Variants in PPP2R2C observed in about 807,000 individuals in gnomAD.
The protein encoded by PPP2R2C is protein phosphatase 2 regulatory subunit Bgamma.
In PPP2R2C, 10 loss-of-function variants were observed where a neutral mutation model predicts 45.3. The ratio of observed to expected loss-of-function variants is 0.22; its 90% CI spans 0.14 to 0.37. The LOEUF is 0.37. Among genes scored for constraint, PPP2R2C ranks in the 10% least tolerant of loss-of-function variants. The probability of loss-of-function intolerance (pLI) is 1.00; values close to 1 mark genes in which losing one functional copy is unlikely to be tolerated. For synonymous variants in PPP2R2C, 257 were observed against 245.4 expected (o/e 1.05, Z -0.44); for missense variants, 308 against 619.7 (o/e 0.50, Z 5.34).
chr4:6,452,700 G>C (rs1720805043), intron 1 of PPP2R2C, among the ~76,000 whole-genome samples: 1 of 152,236 alleles, frequency 6.6e-6, no homozygotes, highest in South Asian at 2.1e-4. Flanking sequence ...TTTTGATGAG[G>C]GGGTCACCTG....
chr4:6,494,349 G>T (rs1722806683), intron 2 of PPP2R2C, among the ~76,000 whole-genome samples: 1 of 152,242 alleles, frequency 6.6e-6, no homozygotes, highest in African/African-American at 2.4e-5. Flanking sequence ...GTGTCCAGGG[G>T]AATCCCTCAC....
At chr4:6,369,818 G>A (rs552647967) in intron 5 of PPP2R2C, among the ~76,000 whole-genome samples, 55 of 152,304 alleles carry the variant, frequency 3.6e-4, no homozygotes, top group Admixed American at 1.4e-3. Flanking sequence ...CTGCCATGGC[G>A]GGGCTGTGTC....
chr4:6,326,479 C>T (rs2109152546), intron 8 of PPP2R2C, among the ~76,000 whole-genome samples: 1 of 152,256 alleles, frequency 6.6e-6, no homozygotes, highest in African/African-American at 2.4e-5. Context: ...GAGGAGGGGG[C>T]GTTGAAGCCT....
At position 6,350,984 on chromosome 4, in the gene PPP2R2C, C is replaced by T. The variant is rs747635002; in HGVS notation, c.626-2974G>A. 19 of 985,228 alleles carry T rather than the reference C, an allele frequency of 1.9e-5. No homozygotes were observed. The Middle Eastern group carries it at 1.5e-3, about 80-fold the overall frequency. The allele number at this position is 985,228 out of a possible 1,614,324, so 61.0% of individuals were successfully genotyped here. A position where few individuals can be genotyped will look rare whatever the true frequency, so the allele number is the denominator to read the frequency against. Reference sequence around the variant, plus strand: ...TCCACCCAAACGCTCTTTCCTTTCCCACCTGGGGATGTTTCAGAACTTTTC... The same window carrying T: ...TCCACCCAAACGCTCTTTCCTTTCCTACCTGGGGATGTTTCAGAACTTTTC... On this transcript the variant is annotated intron_variant, in intron 5 of 8. Coordinates refer to ENST00000382599, the MANE Select transcript of PPP2R2C (RefSeq NM_020416.4).
intron 2 of PPP2R2C, among the ~76,000 whole-genome samples, chr4:6,477,894 T>G (rs769305253): frequency 1.4e-4 from 22 of 151,794 alleles, no homozygotes; most frequent in Admixed American, 1.2e-3. Context: ...CTTCCCCTCC[T>G]TGAGCCAGCC....
intron 1 of PPP2R2C, among the ~76,000 whole-genome samples, chr4:6,452,104 G>A (rs1720767968): frequency 6.6e-6 from 1 of 152,124 alleles, no homozygotes. Context: ...GGTTGGGGAG[G>A]ACAGGGCTGG....
At chr4:6,394,061 C>A (rs1038972729) in intron 1 of PPP2R2C, among the ~76,000 whole-genome samples, 5 of 152,352 alleles carry the variant, frequency 3.3e-5, no homozygotes, top group Middle Eastern at 3.4e-3. Flanking sequence ...GAAAGCCCCA[C>A]CCCCAGTCAC....
In PPP2R2C at chr4:6,372,230, C is replaced by T. The variant is rs532925846; in HGVS notation, c.625+293G>A. Among the ~76,000 whole-genome samples, 7 of 152,376 alleles carry T rather than the reference C, an allele frequency of 4.6e-5. No homozygotes were observed. In the South Asian group the frequency reaches 1.5e-3, roughly 32 times the overall value. ...GTCCAGAGCAGCTGAACCCTGAACTCTGTCTCCTTCCTGGCCCCTTGTGAG... is the reference window on the plus strand; with the variant it reads ...GTCCAGAGCAGCTGAACCCTGAACTTTGTCTCCTTCCTGGCCCCTTGTGAG... On this transcript the variant is annotated intron_variant, in intron 5 of 8. Transcript: ENST00000382599.
Position 6,372,529 on chromosome 4 carries a change from T to G in PPP2R2C, c.619A>C (p.Ser207Arg). The change falls in exon 5 of 9, where the codon AGC becomes CGC. Residue 207 changes from serine (S) to arginine (R), a missense_variant. Ser to Arg is a moderately radical substitution (Grantham distance 110). Transcript: ENST00000382599. ...AGGCCACAGTGAAGGATACTGAAGC[T>G]CCTGTCGGTGATGGCCAGGTGCCAG... Reference protein sequence around the residue: ...NLWHLAITDRSFNIVDIKPAN... With the variant: ...NLWHLAITDRRFNIVDIKPAN... 1 of 1,614,022 alleles carries G rather than the reference T, an allele frequency of 6.2e-7. No homozygotes were observed. Among genetic ancestry groups the G allele is most frequent in the Non-Finnish European group, 8.5e-7 (1 of 1,179,934 alleles).
chr4:6,505,721 T>A (rs2108797555), intron 2 of PPP2R2C, among the ~76,000 whole-genome samples: 1 of 152,296 alleles, frequency 6.6e-6, no homozygotes, highest in East Asian at 1.9e-4. Context: ...ATCCCACCAC[T>A]TTGGGAGGCC....
At chr4:6,511,144 C>G (rs115628142) in intron 2 of PPP2R2C, among the ~76,000 whole-genome samples, 2 of 152,226 alleles carry the variant, frequency 1.3e-5, no homozygotes, top group Admixed American at 1.3e-4. Context: ...TCGCCCATTG[C>G]ATGCGGTTTA....
At chr4:6,503,312 A>T (rs1723119556) in intron 2 of PPP2R2C, among the ~76,000 whole-genome samples, 1 of 152,160 alleles carries the variant, frequency 6.6e-6, no homozygotes, top group African/African-American at 2.4e-5. Context: ...AGATATGCAC[A>T]CATTCACTCA....
At chr4:6,465,593 C>A (rs939455732) in intron 1 of PPP2R2C, among the ~76,000 whole-genome samples, 10 of 152,070 alleles carry the variant, frequency 6.6e-5, no homozygotes, top group Admixed American at 5.2e-4. Flanking sequence ...AGATACAAAA[C>A]CTTTTCATGC....
At chr4:6,396,102 G>A (rs1487197421) in intron 1 of PPP2R2C, among the ~76,000 whole-genome samples, 8 of 152,332 alleles carry the variant, frequency 5.3e-5, no homozygotes, top group Admixed American at 3.9e-4. Flanking sequence ...TGGCAGGTGC[G>A]TGGCATGCTG....
chr4:6,393,654 G>A (rs914905050), intron 1 of PPP2R2C, among the ~76,000 whole-genome samples: 6 of 152,214 alleles, frequency 3.9e-5, no homozygotes, highest in African/African-American at 1.4e-4. Flanking sequence ...CATGGGCAGT[G>A]CACAAGGGAC....
intron 1 of PPP2R2C, chr4:6,382,767 C>T: frequency 1.4e-6 from 1 of 725,402 alleles, no homozygotes; most frequent in Non-Finnish European, 1.9e-6. Flanking sequence ...GGGATGCCAG[C>T]CACTCTCCCA....
chr4:6,525,525 C>T (rs78828420), intron 2 of PPP2R2C, among the ~76,000 whole-genome samples: 3,903 of 152,246 alleles, frequency 0.026, 93 homozygotes, highest in Non-Finnish European at 0.036. Flanking sequence ...AGTTCCAGGC[C>T]ACAATGGGAC....
At chr4:6,365,938 C>G (rs1714258915) in intron 5 of PPP2R2C, among the ~76,000 whole-genome samples, 1 of 152,176 alleles carries the variant, frequency 6.6e-6, no homozygotes, top group Non-Finnish European at 1.5e-5. Flanking sequence ...CTTTAAGATG[C>G]ATCAGACTCA....
chr4:6,421,043 G>C, intron 1 of PPP2R2C: 1 of 985,174 alleles, frequency 1.0e-6, no homozygotes, highest in Non-Finnish European at 1.2e-6. Context: ...TGCTTTGTGT[G>C]CACCCTTCTT....
Sources: gnomAD v4.1 joint callset for allele counts (sites outside exome capture counted in the v4.1 genomes callset) on GRCh38, gnomAD v4.1.1 for gene constraint, MANE v1.5 for transcripts, NCBI Gene and HGNC (gene_info 2026-07-23, HGNC 2026-07-21) for gene names.